Variants in RPS6KC1 observed in about 807,000 individuals in gnomAD.
RPS6KC1 encodes the protein inactive ribosomal protein S6 kinase delta-1.
A neutral mutation model predicts 103.8 loss-of-function variants in RPS6KC1; 54 were observed. The observed-to-expected ratio is 0.52, with a 90% confidence interval of 0.42 to 0.65. The LOEUF (loss-of-function observed/expected upper bound fraction) is 0.65, where lower values mean the gene tolerates loss of function less well. RPS6KC1 is among the 30% of genes least tolerant of loss of function. The pLI is 0.00. For synonymous variants in RPS6KC1, 439 were observed against 438.7 expected (o/e 1.00, Z -0.01); for missense variants, 1,151 against 1,253.8 (o/e 0.92, Z 1.24).
chr1:213,529,094 C>CCACT, the RPS6KC1 span, among the ~76,000 whole-genome samples: 1 of 152,060 alleles, frequency 6.6e-6, no homozygotes, highest in South Asian at 2.1e-4. Flanking sequence ...AGCTTATGAT[C>CCACT]CACTGGAAGA....
At chr1:213,707,116 A>G in the RPS6KC1 span, among the ~76,000 whole-genome samples, 9 of 152,176 alleles carry the variant, frequency 5.9e-5, no homozygotes, top group Non-Finnish European at 1.5e-5. Context: ...TCCTTAAGGA[A>G]TCACCACACT....
At chr1:213,428,426 TC>T in the RPS6KC1 span, among the ~76,000 whole-genome samples, 1 of 42,588 alleles carries the variant, frequency 2.3e-5, no homozygotes, top group Non-Finnish European at 4.9e-5. Context: ...TCCCTTCCTC[TC>T]CCCTCCCTCC....
the RPS6KC1 span, among the ~76,000 whole-genome samples, chr1:213,733,112 G>T: frequency 4.6e-5 from 7 of 152,308 alleles, no homozygotes; most frequent in Admixed American, 1.3e-4. Flanking sequence ...AAATGGGAGT[G>T]CAGATACCTC....
At chr1:213,053,399 G>A (rs1379463154) in intron 1 of RPS6KC1, among the ~76,000 whole-genome samples, 2 of 152,234 alleles carry the variant, frequency 1.3e-5, no homozygotes, top group Non-Finnish European at 2.9e-5. Context: ...CACAGTGCCT[G>A]AAAAACATTG....
At chr1:213,428,531 TC>T in the RPS6KC1 span, among the ~76,000 whole-genome samples, 1 of 120,418 alleles carries the variant, frequency 8.3e-6, no homozygotes, top group Non-Finnish European at 1.8e-5. Flanking sequence ...TTTCTCTCTC[TC>T]TCTCTCTCTT....
At chr1:213,615,208 C>T in the RPS6KC1 span, among the ~76,000 whole-genome samples, 142 of 152,342 alleles carry the variant, frequency 9.3e-4, no homozygotes, top group African/African-American at 3.2e-3. Context: ...AGAGAACACA[C>T]CTTCAGCTCC....
chr1:213,052,995 G>A (rs2077070830), intron 1 of RPS6KC1, among the ~76,000 whole-genome samples: 1 of 152,210 alleles, frequency 6.6e-6, no homozygotes, highest in Admixed American at 6.5e-5. Flanking sequence ...TGCTATTGCC[G>A]ATTGCTGTTC....
chr1:213,676,320 C>A, the RPS6KC1 span, among the ~76,000 whole-genome samples: 1 of 152,116 alleles, frequency 6.6e-6, no homozygotes, highest in Admixed American at 6.6e-5. Context: ...CCTTGGGGTC[C>A]TTTAAAGGCT....
At chr1:213,683,967 A>G in the RPS6KC1 span, among the ~76,000 whole-genome samples, 2 of 152,292 alleles carry the variant, frequency 1.3e-5, no homozygotes, top group Admixed American at 6.5e-5. Context: ...TCCCAGCACC[A>G]TCTAAAGGAA....
At chr1:213,177,759 C>A (rs2091970027) in intron 8 of RPS6KC1, among the ~76,000 whole-genome samples, 1 of 152,120 alleles carries the variant, frequency 6.6e-6, no homozygotes. Flanking sequence ...GATTTCTTTG[C>A]AGGCAAGTAT....
At chr1:213,122,369 GA>G (rs1011893796) in intron 5 of RPS6KC1, among the ~76,000 whole-genome samples, 9 of 151,864 alleles carry the variant, frequency 5.9e-5, no homozygotes, top group Non-Finnish European at 1.0e-4. Context: ...ATTTAAGTTT[GA>G]AAAAAATCTG....
chr1:213,602,119 TC>T, the RPS6KC1 span, among the ~76,000 whole-genome samples: 25 of 9,838 alleles, frequency 2.5e-3, 3 homozygotes, highest in African/African-American at 7.5e-3. Context: ...TTTCTTTCTT[TC>T]TCTTTCTTTC....
chr1:213,392,216 G>A, the RPS6KC1 span, among the ~76,000 whole-genome samples: 1 of 152,032 alleles, frequency 6.6e-6, no homozygotes. Flanking sequence ...CAGAACCGAT[G>A]GTCTGCTTCT....
At chr1:213,562,846 C>T in the RPS6KC1 span, among the ~76,000 whole-genome samples, 1 of 151,978 alleles carries the variant, frequency 6.6e-6, no homozygotes, top group Non-Finnish European at 1.5e-5. Context: ...AAATATTTTG[C>T]AGAGTCAGGG....
chr1:213,352,863 C>G, the RPS6KC1 span, among the ~76,000 whole-genome samples: 1 of 152,148 alleles, frequency 6.6e-6, no homozygotes, highest in Non-Finnish European at 1.5e-5. Context: ...ATGGCATTGA[C>G]AAGGTATGCA....
At chr1:213,215,945 T>G (rs998127844) in intron 8 of RPS6KC1, among the ~76,000 whole-genome samples, 2 of 152,110 alleles carry the variant, frequency 1.3e-5, no homozygotes, top group Non-Finnish European at 2.9e-5. Flanking sequence ...TGAAGACCAT[T>G]GAGGCTAGGA....
the RPS6KC1 span, among the ~76,000 whole-genome samples, chr1:213,430,195 C>T: frequency 6.6e-6 from 1 of 152,282 alleles, no homozygotes; most frequent in Admixed American, 6.5e-5. Flanking sequence ...AATACAAAGA[C>T]CCAGTTCTGG....
chr1:213,687,363 T>C, the RPS6KC1 span, among the ~76,000 whole-genome samples: 1 of 152,096 alleles, frequency 6.6e-6, no homozygotes. Flanking sequence ...AACCTCAGGG[T>C]TTTTTTATTC....
the RPS6KC1 span, among the ~76,000 whole-genome samples, chr1:213,719,851 C>A: frequency 3.9e-5 from 6 of 152,108 alleles, no homozygotes; most frequent in Non-Finnish European, 7.4e-5. Context: ...AGAGGGTTGG[C>A]AAGAGGAGAG....
Sources: gnomAD v4.1 joint callset for allele counts (sites outside exome capture counted in the v4.1 genomes callset) on GRCh38, gnomAD v4.1.1 for gene constraint, MANE v1.5 for transcripts, NCBI Gene and HGNC (gene_info 2026-07-23, HGNC 2026-07-21) for gene names.